ENTPD7: variants seen among roughly 807,000 people sequenced by gnomAD.
ENTPD7 encodes the protein ectonucleoside triphosphate diphosphohydrolase 7.
Under a neutral mutation model 77.9 loss-of-function variants are expected in ENTPD7, and 53 were observed. The observed-to-expected ratio is 0.68, with a 90% CI of 0.55 to 0.85. The LOEUF is 0.85. Among genes scored for constraint, ENTPD7 ranks in the 40% least tolerant of loss-of-function variants. ENTPD7 has a pLI of 0.00. For missense variants in ENTPD7, 636 were observed against 743.7 expected, an observed-to-expected ratio of 0.86 and a Z score of 1.68; for synonymous variants, 248 against 274.9, an observed-to-expected ratio of 0.90 and a Z score of 0.97.
rs1645720979 is a variant in ENTPD7 at position 99,707,304 on chromosome 10, A to G, written c.*2621A>G. On this transcript the variant is annotated 3_prime_UTR_variant, in exon 13 of 13. Transcript: ENST00000370489. ...TTGTCATATCCCTCAGAAGAACTGA[A>G]TATTTATTATTGGTATGGGCTCCTT... Among the ~76,000 whole-genome samples the G allele has an allele frequency of 6.6e-6, 1 of 152,190 alleles. No homozygotes were observed. Among genetic ancestry groups the G allele is most frequent in the Non-Finnish European group, 1.5e-5 (1 of 68,034 alleles).
intron 12 of ENTPD7, 57 bp from the exon 13 acceptor site, chr10:99,704,395 G>A: frequency 1.9e-6 from 3 of 1,551,382 alleles, no homozygotes; most frequent in East Asian, 2.2e-5. Context: ...ATCAGTAAAT[G>A]TCTCCCTTTG....
At chr10:99,677,813 TG>T (rs1217860578) in intron 3 of ENTPD7, among the ~76,000 whole-genome samples, 1 of 152,212 alleles carries the variant, frequency 6.6e-6, no homozygotes, top group Non-Finnish European at 1.5e-5. Context: ...ATGATCTCTG[TG>T]AGTGTAGATA....
rs965739201 is a variant in ENTPD7, at chr10:99,687,868, C to T, written c.653-826C>T. Among the ~76,000 whole-genome samples the T allele has an allele frequency of 3.5e-4, 54 of 152,144 alleles. 1 individual carries two copies. Among genetic ancestry groups the T allele is most frequent in the African/African-American group, 1.3e-3 (52 of 41,420 alleles). On this transcript the variant is annotated intron_variant, in intron 6 of 12. Transcript: ENST00000370489. ...TTTGCCCACTCTCTGCCATGCACTT[C>T]TCATGACTGCATCTGCATCCAGGGC... is the stretch of plus-strand genomic sequence containing the variant.
In ENTPD7 at chr10:99,684,983, C is replaced by G. The variant is rs894045427; in HGVS notation, c.549-809C>G. On this transcript the variant is annotated intron_variant, in intron 5 of 12. Transcript: ENST00000370489. ...GATTAAAAAGTTAATTGTGGCTGGG[C>G]AAGGTGACTCACACCTGTAATCCCA... Among the ~76,000 whole-genome samples, 8 of 152,204 alleles carry G rather than the reference C, an allele frequency of 5.3e-5. No homozygotes were observed. The East Asian group carries it at 1.5e-3, about 29-fold the overall frequency.
At chr10:99,666,613 TG>T (rs2035554145) in intron 3 of ENTPD7, among the ~76,000 whole-genome samples, 1 of 152,240 alleles carries the variant, frequency 6.6e-6, no homozygotes, top group African/African-American at 2.4e-5. Flanking sequence ...AGATGCTCCT[TG>T]ACTTATGATG....
chr10:99,675,516 A>T lies in ENTPD7; in HGVS notation c.192-3745A>T, dbSNP rs935737925. Among the ~76,000 whole-genome samples, 5 of 114,536 alleles carry T rather than the reference A, an allele frequency of 4.4e-5. No homozygotes were observed. In the Admixed American group the frequency reaches 5.0e-4, roughly 11 times the overall value. 75.1% of individuals were successfully genotyped at this position (114,536 alleles called of 152,430 possible). On this transcript the variant is annotated intron_variant, in intron 3 of 12. Coordinates refer to ENST00000370489, the MANE Select transcript of ENTPD7 (RefSeq NM_020354.5). ...GTAACAGAGTATGAAAAGTTTTTAG[A>T]TAGGGTTTTAGATTCCAATTGCAAC... is the stretch of plus-strand genomic sequence containing the variant.
intron 9 of ENTPD7, among the ~76,000 whole-genome samples, 187 bp from the exon 10 acceptor site, chr10:99,698,347 C>CT (rs574374030): frequency 6.6e-6 from 1 of 152,034 alleles, no homozygotes; most frequent in African/African-American, 2.4e-5. Flanking sequence ...ATATTCCTCT[C>CT]TTTTTTTTCT....
intron 3 of ENTPD7, 106 bp from the exon 4 acceptor site, chr10:99,679,155 A>C: frequency 9.5e-7 from 1 of 1,051,808 alleles, no homozygotes; most frequent in Non-Finnish European, 1.4e-6. Context: ...CCATGTGCTT[A>C]GCACATGTAG....
At chr10:99,704,107 G>A (rs2036199091) in intron 12 of ENTPD7, among the ~76,000 whole-genome samples, 1 of 152,158 alleles carries the variant, frequency 6.6e-6, no homozygotes, top group South Asian at 2.1e-4. Context: ...ATTCTCATTA[G>A]TACTGTATTT....
In ENTPD7 at chr10:99,709,730, T is replaced by C. The variant is rs892621937; in HGVS notation, c.*5047T>C. 2.0e-6 allele frequency: 2 copies of C among 985,284 alleles called. No individual in the cohort carries two copies. The highest frequency in any genetic ancestry group is 3.5e-5 in the African/African-American group (2 of 57,234). 61.0% of individuals were successfully genotyped at this position (985,284 alleles called of 1,614,324 possible). On this transcript the variant is annotated 3_prime_UTR_variant, in exon 13 of 13. Coordinates refer to ENST00000370489, the MANE Select transcript of ENTPD7 (RefSeq NM_020354.5). ...GCTTGTTCAAGCTTCATTTTAAGCCTGCTCTGTCTACTTATCTTCCTTATA... is the reference window on the plus strand; with the variant it reads ...GCTTGTTCAAGCTTCATTTTAAGCCCGCTCTGTCTACTTATCTTCCTTATA...
At position 99,685,868 on chromosome 10, in the gene ENTPD7, G is replaced by C; in HGVS notation, c.625G>C (p.Ala209Pro). The change falls in exon 6 of 13, where the codon GCA becomes CCA. Residue 209 changes from alanine (A) to proline (P), a missense_variant. By Grantham distance (27) the Ala-to-Pro change is conservative (BLOSUM62 -1). This residue lies in a region of ENTPD7 where 486 missense variants were observed against 556.5 expected (regional missense o/e 0.87). Transcript: ENST00000370489. ...EFDFLFSQSQ[A>P]EVISGKQEGV... ...TGACTTCCTCTTTTCACAGTCTCAAGCAGAAGTGATCTCTGGGAAGCAGGA... is the reference window on the plus strand; with the variant it reads ...TGACTTCCTCTTTTCACAGTCTCAACCAGAAGTGATCTCTGGGAAGCAGGA... The C allele has an allele frequency of 6.2e-7, 1 of 1,613,780 alleles. No homozygotes were observed. Among genetic ancestry groups the C allele is most frequent in the Non-Finnish European group, 8.5e-7 (1 of 1,179,860 alleles).
At chr10:99,702,785 A>C (rs1175236732) in intron 12 of ENTPD7, 112 bp downstream of exon 12, 2 of 979,388 alleles carry the variant, frequency 2.0e-6, no homozygotes, top group Non-Finnish European at 2.8e-6. Flanking sequence ...GTCTTAAGTG[A>C]CCTTCCTCTC....
chr10:99,673,403 C>A (rs376853002), intron 3 of ENTPD7, among the ~76,000 whole-genome samples: 4 of 152,032 alleles, frequency 2.6e-5, no homozygotes, highest in Admixed American at 2.6e-4. Flanking sequence ...TAGAGGAAGG[C>A]TTCTAGTTGG....
At position 99,691,521 on chromosome 10, in the gene ENTPD7, A is replaced by G. The variant is rs2035884197; in HGVS notation, c.843+3A>G. 3 of 1,612,414 alleles carry G rather than the reference A, an allele frequency of 1.9e-6. No individual in the cohort carries two copies. Among genetic ancestry groups the G allele is most frequent in the Non-Finnish European group, 1.7e-6 (2 of 1,179,548 alleles). Reference sequence around the variant, plus strand: ...CCTCTGTCCTTCCTGCAAAGCAGGTACTTTACCTTTTAGGGAAATTTAGTT... The same window carrying G: ...CCTCTGTCCTTCCTGCAAAGCAGGTGCTTTACCTTTTAGGGAAATTTAGTT... On this transcript the variant is annotated splice_donor_region_variant and intron_variant, in intron 8 of 12. Transcript: ENST00000370489.
chr10:99,669,272 TG>T (rs1276551954), intron 3 of ENTPD7, among the ~76,000 whole-genome samples: 2 of 152,184 alleles, frequency 1.3e-5, no homozygotes, highest in Admixed American at 6.5e-5. Context: ...TTAATATATA[TG>T]AAAGCAGTTA....
chr10:99,664,765 T>G (rs1327656365), intron 3 of ENTPD7, among the ~76,000 whole-genome samples: 1 of 152,078 alleles, frequency 6.6e-6, no homozygotes, highest in Admixed American at 6.5e-5. Context: ...TTCTTTTTAT[T>G]GCTTCTCAGA....
chr10:99,681,750 G>C (rs1273249213), intron 5 of ENTPD7, among the ~76,000 whole-genome samples: 1 of 152,138 alleles, frequency 6.6e-6, no homozygotes, highest in African/African-American at 2.4e-5. Context: ...GAGGTGATAT[G>C]TCATCGGGGT....
intron 9 of ENTPD7, 50 bp downstream of exon 9, chr10:99,696,172 G>A: frequency 1.3e-6 from 2 of 1,591,314 alleles, no homozygotes; most frequent in Non-Finnish European, 1.7e-6. Context: ...TCAGGCTGCA[G>A]ATATTAGGGA....
intron 5 of ENTPD7, among the ~76,000 whole-genome samples, chr10:99,683,525 T>C (rs1308275236): frequency 6.6e-6 from 1 of 152,188 alleles, no homozygotes; most frequent in Admixed American, 6.6e-5. Flanking sequence ...AAGAGAACAG[T>C]GCAGTAAATC....
Sources: allele counts gnomAD v4.1 joint callset (sites outside exome capture counted in the v4.1 genomes callset), GRCh38; gene constraint gnomAD v4.1.1; regional missense constraint gnomAD v4.1.1; transcripts MANE v1.5; gene names NCBI Gene and HGNC (gene_info 2026-07-23, HGNC 2026-07-21).